The following NKD2 variants were observed in gnomAD, a reference collection of about 807,000 sequenced individuals.
NKD2 encodes the protein protein naked cuticle homolog 2.
Under a neutral mutation model 34.8 loss-of-function variants are expected in NKD2, and 43 were observed. The ratio of observed to expected loss-of-function variants is 1.24; its 90% CI spans 0.97 to 1.60. The LOEUF (loss-of-function observed/expected upper bound fraction) is 1.60. Ranked by LOEUF, NKD2 falls within the 40% of genes most tolerant of loss-of-function variation. NKD2 has a pLI of 0.00. For synonymous variants in NKD2, 278 were observed against 265.1 expected (o/e 1.05, Z -0.47); for missense variants, 675 against 627.1 (o/e 1.08, Z -0.82).
rs1734138510 is a variant in NKD2 at position 1,038,476 on chromosome 5, C to A, written c.*103C>A. On this transcript the variant is annotated 3_prime_UTR_variant, in exon 10 of 10. Coordinates refer to ENST00000296849, the MANE Select transcript of NKD2 (RefSeq NM_033120.4). This position sits in a 1 kb window ranked among gnomAD's most constrained non-coding sequence, Gnocchi z 4.5. ...TGTGTGCCCATGGGGAGCCCAGCCC[C>A]CACCCCCCACCTCCGACAGCAAACA... 2 of 1,533,080 alleles carry A rather than the reference C, an allele frequency of 1.3e-6. No homozygotes were observed. Among genetic ancestry groups the A allele is most frequent in the African/African-American group, 2.8e-5 (2 of 72,716 alleles). 95.0% of individuals were successfully genotyped at this position (1,533,080 alleles called of 1,614,324 possible). A position where few individuals can be genotyped will look rare whatever the true frequency, so the allele number is the denominator to read the frequency against.
intron 8 of NKD2, chr5:1,035,796 GGGGTGGCTGGGGCAGTGGCTGA>G (rs1432035884): frequency 3.8e-5 from 16 of 422,462 alleles, no homozygotes; most frequent in African/African-American, 2.2e-4. Flanking sequence ...AACAGGGCTG[GGGGTGGCTGGGGCAGTGGCTGA>G]GGGTGGCTGG....
rs1168892164 is a variant in NKD2, at chr5:1,038,406, A to C, written c.*33A>C. The C allele has an allele frequency of 9.8e-6, 15 of 1,535,474 alleles. No homozygotes were observed. The highest frequency in any genetic ancestry group is 1.3e-5 in the Non-Finnish European group (15 of 1,146,658). ...GCCAAGCACACCTCGCTCCCAGCAC[A>C]CCACAGCCCGCGACCTCAGGGCAGG... On this transcript the variant is annotated 3_prime_UTR_variant, in exon 10 of 10. Coordinates refer to ENST00000296849, the MANE Select transcript of NKD2 (RefSeq NM_033120.4). This position sits in a 1 kb window ranked among gnomAD's most constrained non-coding sequence, Gnocchi z 4.5.
At chr5:1,019,049 C>T (rs1439013893) in intron 3 of NKD2, among the ~76,000 whole-genome samples, 1 of 152,186 alleles carries the variant, frequency 6.6e-6, no homozygotes, top group South Asian at 2.1e-4. Context: ...GCGACCAGGC[C>T]AGAGCGTCAC....
chr5:1,029,496 C>T lies in NKD2; in HGVS notation c.142-2656C>T, dbSNP rs142699645. ...GTGCAGATTCTGTCTTGAACAGCTG[C>T]GCCCCTCCTTCTGTCACCCTGTGCA... On this transcript the variant is annotated intron_variant, in intron 3 of 9. Coordinates refer to ENST00000296849, the MANE Select transcript of NKD2 (RefSeq NM_033120.4). Among the ~76,000 whole-genome samples, 82 of 152,280 alleles carry T rather than the reference C, an allele frequency of 5.4e-4. 2 individuals are homozygous for T. The East Asian group carries it at 0.013, about 25-fold the overall frequency.
rs940704797 is a variant in NKD2, at chr5:1,008,865, A to G, written c.-193A>G. 3.4e-5 allele frequency: 12 copies of G among 351,484 alleles called. No homozygotes were observed. Among genetic ancestry groups the G allele is most frequent in the African/African-American group, 1.5e-4 (7 of 46,398 alleles). The allele number at this position is 351,484 out of a possible 1,614,324, so 21.8% of individuals were successfully genotyped here. A position where few individuals can be genotyped will look rare whatever the true frequency, so the allele number is the denominator to read the frequency against. ...CGCGCCCTGCGCCCGGTGGCCCCCCACCTCCGCCCCGCGGCCGTACCTGGC... is the reference window on the plus strand; with the variant it reads ...CGCGCCCTGCGCCCGGTGGCCCCCCGCCTCCGCCCCGCGGCCGTACCTGGC... On this transcript the variant is annotated 5_prime_UTR_variant, in exon 1 of 10. Transcript: ENST00000296849.
chr5:1,030,090 A>G (rs1196901490), intron 3 of NKD2, among the ~76,000 whole-genome samples: 1 of 151,364 alleles, frequency 6.6e-6, no homozygotes, highest in African/African-American at 2.4e-5. Context: ...CCCAGAGGAG[A>G]AGGTCTGGGC....
intron 3 of NKD2, among the ~76,000 whole-genome samples, chr5:1,017,014 A>G (rs906676500): frequency 6.0e-5 from 9 of 150,294 alleles, no homozygotes; most frequent in Non-Finnish European, 1.2e-4. Context: ...CTTCCCACAA[A>G]GGATAACAGA....
chr5:1,018,648 T>C (rs1214574248), intron 3 of NKD2, among the ~76,000 whole-genome samples: 3 of 152,228 alleles, frequency 2.0e-5, no homozygotes, highest in East Asian at 3.9e-4. Flanking sequence ...AACTGGCAGC[T>C]GCCCACAGGC....
intron 3 of NKD2, among the ~76,000 whole-genome samples, chr5:1,031,757 C>T (rs1342158383): frequency 6.6e-6 from 1 of 152,188 alleles, no homozygotes; most frequent in East Asian, 1.9e-4. Context: ...GGCTGGAGTC[C>T]TCGTGTCAGG....
At chr5:1,034,142 C>T (rs1045401643) in intron 5 of NKD2, 93 bp from the exon 6 acceptor site, 3 of 913,210 alleles carry the variant, frequency 3.3e-6, no homozygotes, top group Admixed American at 2.3e-5. Context: ...TGAGGGACCC[C>T]TGGGAAAGGC....
intron 3 of NKD2, among the ~76,000 whole-genome samples, chr5:1,010,818 C>T (rs1234813225): frequency 3.3e-5 from 5 of 152,212 alleles, no homozygotes; most frequent in African/African-American, 9.6e-5. Flanking sequence ...GGCGGGCGTT[C>T]ACCTCTCTCG....
chr5:1,020,781 A>T (rs757639119), intron 3 of NKD2, among the ~76,000 whole-genome samples: 1 of 145,860 alleles, frequency 6.9e-6, no homozygotes, highest in Non-Finnish European at 1.5e-5. Flanking sequence ...ACTTGTAAGG[A>T]TGCCCCGTGG....
chr5:1,030,659 T>C (rs1215474431), intron 3 of NKD2, among the ~76,000 whole-genome samples: 3 of 152,210 alleles, frequency 2.0e-5, no homozygotes, highest in African/African-American at 7.2e-5. Flanking sequence ...TGTGTGGATG[T>C]ACAAAGGCCT....
chr5:1,038,036 C>G lies in NKD2; in HGVS notation c.1019C>G (p.Pro340Arg), dbSNP rs201583610. 6.2e-6 allele frequency: 10 copies of G among 1,609,194 alleles called. No homozygotes were observed. The highest frequency in any genetic ancestry group is 8.5e-6 in the Non-Finnish European group (10 of 1,179,142). ...AAGTCCCCCAAGGGCTCCGGGAAGC[C>G]GCCTGGGGTGCCAGCCAGCAGCAAG... ...FLKSPKGSGK[P>R]PGVPASSKSG... Residue 340 changes from proline (P) to arginine (R), a missense_variant, in exon 10 of 10, where the codon CCG becomes CGG. Pro to Arg is a moderately radical substitution (Grantham distance 103). Transcript: ENST00000296849. This position sits in a 1 kb window ranked among gnomAD's most constrained non-coding sequence, Gnocchi z 4.5.
Position 1,033,500 on chromosome 5 carries a change from G to T in NKD2, c.330+1G>T. On this transcript the variant is annotated splice_donor_variant, in intron 5 of 9. Transcript: ENST00000296849. LOFTEE classifies it high-confidence loss of function. ...GGGCGGGCAGCGCCTCAACATTGAC[G>T]TGGGTCTCTCTCCGGCCTCACTTGC... is the stretch of plus-strand genomic sequence containing the variant. 1 of 1,547,896 alleles carries T rather than the reference G, an allele frequency of 6.5e-7. No individual in the cohort carries two copies. Among genetic ancestry groups the T allele is most frequent in the Non-Finnish European group, 8.7e-7 (1 of 1,145,206 alleles).
At chr5:1,035,028 G>A in intron 7 of NKD2, 125 bp downstream of exon 7, 1 of 861,498 alleles carries the variant, frequency 1.2e-6, no homozygotes, top group Non-Finnish European at 1.8e-6. Flanking sequence ...GGATGGGTGA[G>A]TGAGTGAATG....
Position 1,009,340 on chromosome 5 carries a change from AGC to A in NKD2, c.61+132_61+133del. On this transcript the variant is annotated intron_variant, in intron 2 of 9. Transcript: ENST00000296849. This position sits in a 1 kb window ranked among gnomAD's most constrained non-coding sequence, Gnocchi z 6.9. Reference sequence around the variant, plus strand: ...GGGGACGGGGCCGCGGGTCTCCAGGAGCGCGCGGGACCCCCACGCCTGCCCCT... The same window carrying A: ...GGGGACGGGGCCGCGGGTCTCCAGGAGCGCGGGACCCCCACGCCTGCCCCT... 1 of 591,598 alleles carries A rather than the reference AGC, an allele frequency of 1.7e-6. No individual in the cohort carries two copies. The highest frequency in any genetic ancestry group is 2.7e-6 in the Non-Finnish European group (1 of 366,280). The allele number at this position is 591,598 out of a possible 1,614,324, so 36.6% of individuals were successfully genotyped here. A position where few individuals can be genotyped will look rare whatever the true frequency, so the allele number is the denominator to read the frequency against.
intron 3 of NKD2, among the ~76,000 whole-genome samples, chr5:1,011,236 C>A (rs114765412): frequency 1.3e-5 from 2 of 152,190 alleles, no homozygotes; most frequent in African/African-American, 4.8e-5. Flanking sequence ...AAAAGTGCTG[C>A]CTTTCTGTAT....
Position 1,009,858 on chromosome 5 carries a change from G to A in NKD2, c.141+298G>A, listed in dbSNP as rs1047259740. On this transcript the variant is annotated intron_variant, in intron 3 of 9. Coordinates refer to ENST00000296849, the MANE Select transcript of NKD2 (RefSeq NM_033120.4). This position sits in a 1 kb window ranked among gnomAD's most constrained non-coding sequence, Gnocchi z 6.9. ...ATGTTTCGGGCTGGAGGAGCTGGGC[G>A]AGTGGGAGGGGCTGGACCTAGACGT... Among the ~76,000 whole-genome samples, 2 of 152,114 alleles carry A rather than the reference G, an allele frequency of 1.3e-5. No individual in the cohort carries two copies. Among genetic ancestry groups the A allele is most frequent in the African/African-American group, 2.4e-5 (1 of 41,410 alleles).
Sources: gnomAD v4.1 joint callset for allele counts (sites outside exome capture counted in the v4.1 genomes callset) on GRCh38, gnomAD v4.1.1 for gene constraint, Gnocchi (gnomAD v3.1) non-coding constraint, MANE v1.5 for transcripts, NCBI Gene and HGNC (gene_info 2026-07-23, HGNC 2026-07-21) for gene names.